Variants in SSUH2 observed in about 807,000 individuals in gnomAD.
The protein encoded by SSUH2 is ssu-2 homolog.
A neutral mutation model predicts 55.3 loss-of-function variants in SSUH2; 47 were observed. The ratio of observed to expected loss-of-function variants is 0.85; its 90% CI spans 0.67 to 1.08. The LOEUF is 1.08. SSUH2 is among the 50% of genes least tolerant of loss of function. The pLI is 0.00. For synonymous variants in SSUH2, 212 were observed against 191.5 expected, an observed-to-expected ratio of 1.11 and a Z score of -0.89; for missense variants, 535 against 490.7, an observed-to-expected ratio of 1.09 and a Z score of -0.85.
At chr3:8,647,355 C>T (rs1226000768), upstream of SSUH2, among the ~76,000 whole-genome samples, 1 of 152,212 alleles carries the variant, frequency 6.6e-6, no homozygotes, top group Non-Finnish European at 1.5e-5. Context: ...GAGTTTCTTG[C>T]CTTTGGACTG....
intron 1 of SSUH2, among the ~76,000 whole-genome samples, chr3:8,643,521 A>T (rs1181227502): frequency 2.6e-5 from 4 of 152,248 alleles, no homozygotes; most frequent in Non-Finnish European, 5.9e-5. Flanking sequence ...ACATGCTAAA[A>T]TATCTCCAGG....
intron 5 of SSUH2, among the ~76,000 whole-genome samples, chr3:8,664,356 T>C (rs941437876): frequency 1.4e-4 from 22 of 152,238 alleles, no homozygotes; most frequent in Admixed American, 4.6e-4. Flanking sequence ...TCATGAAGCA[T>C]GTCCCCCTTT....
chr3:8,630,804 C>T lies in SSUH2; in HGVS notation c.525+1G>A, dbSNP rs368600862. The T allele has an allele frequency of 9.0e-6, 13 of 1,450,452 alleles. No homozygotes were observed. The highest frequency in any genetic ancestry group is 2.6e-5 in the Admixed American group (1 of 38,650). The allele number at this position is 1,450,452 out of a possible 1,614,324, so 89.8% of individuals were successfully genotyped here. On this transcript the variant is annotated splice_donor_variant, in intron 6 of 11. Coordinates refer to ENST00000544814, the MANE Select transcript of SSUH2 (RefSeq NM_001256748.3). LOFTEE classifies it high-confidence loss of function. ...TCCAGTAATCGCGTTAATCGTATTA[C>T]CTTGACCAGTGACGAGTGAGGGACC...
intron 4 of SSUH2, 25 bp downstream of exon 4, chr3:8,633,641 C>T (rs1422936934): frequency 6.7e-6 from 10 of 1,494,258 alleles, no homozygotes; most frequent in Admixed American, 2.4e-5. Flanking sequence ...CCGGCCAAGG[C>T]CCCCCACCGG....
At chr3:8,634,276 T>C (rs1450127965) in intron 3 of SSUH2, 2 of 808,400 alleles carry the variant, frequency 2.5e-6, no homozygotes, top group African/African-American at 1.8e-5. Flanking sequence ...GCAGCGCCCA[T>C]GGAGACTCAC....
At chr3:8,630,764 G>T (rs779148869) in intron 6 of SSUH2, 41 bp downstream of exon 6, 2 of 1,340,128 alleles carry the variant, frequency 1.5e-6, no homozygotes, top group African/African-American at 1.5e-5. Flanking sequence ...GCCTCTCAGG[G>T]AGAAGGGCAA....
intron 7 of SSUH2, among the ~76,000 whole-genome samples, chr3:8,650,153 G>A (rs75281910): frequency 0.014 from 2,133 of 152,188 alleles, 30 homozygotes; most frequent in Non-Finnish European, 0.021. Context: ...CAGGGAGGCT[G>A]TCCCTGGCCC....
At chr3:8,631,573 T>G (rs903303490) in intron 5 of SSUH2, among the ~76,000 whole-genome samples, 1 of 152,156 alleles carries the variant, frequency 6.6e-6, no homozygotes, top group Non-Finnish European at 1.5e-5. Context: ...TCTTGAAGAA[T>G]GGACCTGAGC....
At chr3:8,674,160 G>A (rs1704950559) in intron 3 of SSUH2, among the ~76,000 whole-genome samples, 1 of 152,172 alleles carries the variant, frequency 6.6e-6, no homozygotes, top group African/African-American at 2.4e-5. Context: ...CAGGCCTGGC[G>A]AAATGCTGAC....
At chr3:8,632,264 G>T (rs1244414987) in intron 4 of SSUH2, among the ~76,000 whole-genome samples, 155 bp from the exon 5 acceptor site, 1 of 152,164 alleles carries the variant, frequency 6.6e-6, no homozygotes, top group Non-Finnish European at 1.5e-5. Context: ...TGACAACAGC[G>T]ATTTCTGTTC....
intron 1 of SSUH2, chr3:8,640,125 A>G: frequency 2.3e-6 from 1 of 440,184 alleles, no homozygotes; most frequent in Non-Finnish European, 3.0e-6. Flanking sequence ...TCAGATTTAC[A>G]AGGTGAAAGG....
At chr3:8,635,167 G>T in intron 3 of SSUH2, 133 bp downstream of exon 3, 1 of 669,308 alleles carries the variant, frequency 1.5e-6, no homozygotes, top group Non-Finnish European at 2.5e-6. Context: ...ATCCCTGGAG[G>T]ATCTGGTGCA....
intron 5 of SSUH2, among the ~76,000 whole-genome samples, chr3:8,670,616 T>C (rs1358282899): frequency 2.6e-5 from 4 of 152,048 alleles, no homozygotes; most frequent in African/African-American, 7.2e-5. Flanking sequence ...AGGGAGTACA[T>C]GCCGTGTGAC....
At chr3:8,634,215 G>A (rs1329440215) in intron 3 of SSUH2, 5 of 576,026 alleles carry the variant, frequency 8.7e-6, no homozygotes, top group African/African-American at 1.9e-5. Context: ...CAGAGGAGCT[G>A]CTAGCAACAT....
chr3:8,631,004 A>C lies in SSUH2; in HGVS notation c.401-75T>G, dbSNP rs2125155249. 3 of 1,310,800 alleles carry C rather than the reference A, an allele frequency of 2.3e-6. No individual in the cohort carries two copies. In the East Asian group the frequency reaches 8.4e-5, roughly 37 times the overall value. 81.2% of individuals were successfully genotyped at this position (1,310,800 alleles called of 1,614,324 possible). On this transcript the variant is annotated intron_variant, in intron 5 of 11. Transcript: ENST00000544814. ...AACTTTCATTTATCCAGCAAACAGCATGAAGCCTTCAGTTGGTGCCAGGCA... is the reference window on the plus strand; with the variant it reads ...AACTTTCATTTATCCAGCAAACAGCCTGAAGCCTTCAGTTGGTGCCAGGCA...
At chr3:8,678,508 C>CTGAG (rs1705613772) in intron 2 of SSUH2, among the ~76,000 whole-genome samples, 1 of 114,556 alleles carries the variant, frequency 8.7e-6, no homozygotes, top group South Asian at 3.2e-4. Flanking sequence ...GCACCCCCCG[C>CTGAG]GAGGCGGGGA....
intron 11 of SSUH2, among the ~76,000 whole-genome samples, chr3:8,621,560 C>T (rs1355862819): frequency 6.6e-6 from 1 of 152,122 alleles, no homozygotes; most frequent in Non-Finnish European, 1.5e-5. Context: ...AGAGTCAGGG[C>T]ACAAAATTTC....
chr3:8,620,996 TG>T (rs948110828), intron 11 of SSUH2, among the ~76,000 whole-genome samples: 2 of 110,750 alleles, frequency 1.8e-5, no homozygotes, highest in African/African-American at 6.0e-5. Flanking sequence ...TATGAGGCCC[TG>T]AACAGAAAAC....
intron 1 of SSUH2, among the ~76,000 whole-genome samples, chr3:8,680,384 C>T (rs550097620): frequency 2.0e-5 from 3 of 152,044 alleles, no homozygotes; most frequent in Admixed American, 2.0e-4. Flanking sequence ...GAGTCATATC[C>T]TCTCGCTCTC....
Sources: allele counts gnomAD v4.1 joint callset (sites outside exome capture counted in the v4.1 genomes callset), GRCh38; gene constraint gnomAD v4.1.1; transcripts MANE v1.5; gene names NCBI Gene and HGNC (gene_info 2026-07-23, HGNC 2026-07-21).